CDH4: variants seen among roughly 807,000 people sequenced by gnomAD.
CDH4 encodes cadherin-4.
CDH4 carries 33 observed loss-of-function variants against 86.0 expected under a neutral mutation model. The ratio of observed to expected loss-of-function variants is 0.38; its 90% CI spans 0.29 to 0.51. The LOEUF (loss-of-function observed/expected upper bound fraction) is 0.51, where lower values mean the gene tolerates loss of function less well. Among genes scored for constraint, CDH4 ranks in the 20% least tolerant of loss-of-function variants. The pLI is 0.86. For synonymous variants in CDH4, 555 were observed against 549.4 expected (o/e 1.01, Z -0.14); for missense variants, 1,114 against 1,307.4 (o/e 0.85, Z 2.28).
intron 2 of CDH4, among the ~76,000 whole-genome samples, chr20:61,491,324 TTC>T (rs2085624689): frequency 6.6e-5 from 10 of 152,192 alleles, no homozygotes; most frequent in Admixed American, 6.5e-4. Context: ...GGTTCTTAAG[TTC>T]ATCACCTCCA....
At chr20:61,841,054 A>C (rs1982141387) in intron 4 of CDH4, among the ~76,000 whole-genome samples, 1 of 152,242 alleles carries the variant, frequency 6.6e-6, no homozygotes, top group African/African-American at 2.4e-5. Flanking sequence ...GCAATAGCGC[A>C]CAGTGAATCT....
chr20:61,310,960 G>A (rs747647281), intron 2 of CDH4, among the ~76,000 whole-genome samples: 1 of 152,112 alleles, frequency 6.6e-6, no homozygotes, highest in Non-Finnish European at 1.5e-5. Flanking sequence ...TGGGGGGTAG[G>A]GCTTCAAAAT....
chr20:61,782,507 A>G (rs951459347), intron 4 of CDH4, among the ~76,000 whole-genome samples: 1 of 152,166 alleles, frequency 6.6e-6, no homozygotes, highest in Non-Finnish European at 1.5e-5. Context: ...AATATAAAAG[A>G]TTATCATTTT....
chr20:61,886,188 CAT>C (rs1984531594), intron 7 of CDH4, among the ~76,000 whole-genome samples: 1 of 152,204 alleles, frequency 6.6e-6, no homozygotes, highest in Non-Finnish European at 1.5e-5. Context: ...GTGGGGGCAG[CAT>C]CCAGGAGAAC....
chr20:61,627,648 G>A (rs1027829928), intron 2 of CDH4, among the ~76,000 whole-genome samples: 7 of 152,138 alleles, frequency 4.6e-5, no homozygotes, highest in Admixed American at 1.3e-4. Flanking sequence ...AAGGTCCTTT[G>A]TGTGCCTGGT....
intron 2 of CDH4, chr20:61,719,573 A>C: frequency 5.4e-6 from 1 of 186,432 alleles, no homozygotes. Context: ...TTAAATCACA[A>C]AAGCCTTTAG....
At chr20:61,602,232 C>T (rs1327014446) in intron 2 of CDH4, among the ~76,000 whole-genome samples, 1 of 152,226 alleles carries the variant, frequency 6.6e-6, no homozygotes, top group Non-Finnish European at 1.5e-5. Context: ...CCCCAAAGCA[C>T]ACATTTTATC....
chr20:61,257,125 C>A (rs1450047295), intron 2 of CDH4, among the ~76,000 whole-genome samples: 1 of 152,138 alleles, frequency 6.6e-6, no homozygotes, highest in Non-Finnish European at 1.5e-5. Context: ...GTTATTCCAG[C>A]GGAGAGAGCT....
intron 7 of CDH4, among the ~76,000 whole-genome samples, chr20:61,877,165 C>T (rs1477577029): frequency 2.0e-5 from 3 of 152,172 alleles, no homozygotes; most frequent in African/African-American, 7.2e-5. Context: ...GGGCTCAGCT[C>T]CCCCTGCCCC....
intron 2 of CDH4, among the ~76,000 whole-genome samples, chr20:61,712,796 C>A (rs2087907530): frequency 6.6e-6 from 1 of 152,190 alleles, no homozygotes; most frequent in Non-Finnish European, 1.5e-5. Flanking sequence ...CATGCTGGGC[C>A]CTGGTTCAGA....
chr20:61,916,034 T>C (rs930319646), intron 9 of CDH4, among the ~76,000 whole-genome samples: 1 of 152,224 alleles, frequency 6.6e-6, no homozygotes, highest in Non-Finnish European at 1.5e-5. Context: ...TATAGTGCTT[T>C]TCTCTGAAGT....
At chr20:61,619,640 C>T (rs1309889690) in intron 2 of CDH4, among the ~76,000 whole-genome samples, 1 of 152,188 alleles carries the variant, frequency 6.6e-6, no homozygotes, top group African/African-American at 2.4e-5. Context: ...TCCTGGTCTC[C>T]ATTCTCAGAG....
At chr20:61,627,616 C>T (rs889144478) in intron 2 of CDH4, among the ~76,000 whole-genome samples, 9 of 152,138 alleles carry the variant, frequency 5.9e-5, no homozygotes, top group South Asian at 2.1e-4. Context: ...GGGAAGCGGA[C>T]GGGCAGAGAG....
chr20:61,790,889 A>G (rs1010818603), intron 4 of CDH4, among the ~76,000 whole-genome samples: 2 of 150,636 alleles, frequency 1.3e-5, no homozygotes, highest in African/African-American at 4.9e-5. Flanking sequence ...CCTTCCACCC[A>G]CCTACCATCC....
chr20:61,671,656 G>A (rs1277633941), intron 2 of CDH4, among the ~76,000 whole-genome samples: 4 of 147,542 alleles, frequency 2.7e-5, no homozygotes, highest in Non-Finnish European at 6.0e-5. Context: ...TGGGTGAATG[G>A]ATGGATAATG....
At chr20:61,541,715 A>G (rs1413331281) in intron 2 of CDH4, among the ~76,000 whole-genome samples, 1 of 152,130 alleles carries the variant, frequency 6.6e-6, no homozygotes, top group African/African-American at 2.4e-5. Flanking sequence ...CTAGAATTTT[A>G]TGGCTTTTTC....
At chr20:61,814,482 C>T (rs1358392419) in intron 4 of CDH4, among the ~76,000 whole-genome samples, 2 of 152,192 alleles carry the variant, frequency 1.3e-5, no homozygotes, top group Non-Finnish European at 2.9e-5. Flanking sequence ...CCCCTCACAC[C>T]CACGCTCGAA....
At chr20:61,812,986 C>T (rs1174856561) in intron 4 of CDH4, among the ~76,000 whole-genome samples, 1 of 152,308 alleles carries the variant, frequency 6.6e-6, no homozygotes. Context: ...GTGGTGGAGG[C>T]GCCCTGCCGA....
At chr20:61,391,340 C>G (rs1048317487) in intron 2 of CDH4, among the ~76,000 whole-genome samples, 1 of 152,164 alleles carries the variant, frequency 6.6e-6, no homozygotes, top group African/African-American at 2.4e-5. Flanking sequence ...CCTATCTGAT[C>G]TGACACTTGC....
Sources: gnomAD v4.1 joint callset for allele counts (sites outside exome capture counted in the v4.1 genomes callset) on GRCh38, gnomAD v4.1.1 for gene constraint, MANE v1.5 for transcripts, NCBI Gene and HGNC (gene_info 2026-07-23, HGNC 2026-07-21) for gene names.